The following TBX10 variants were observed in gnomAD, a reference collection of about 807,000 sequenced individuals.
TBX10 encodes T-box transcription factor TBX10.
In TBX10, 26 loss-of-function variants were observed where a neutral mutation model predicts 32.4. That is an observed-to-expected ratio of 0.80 (90% CI 0.59 to 1.11). The LOEUF (loss-of-function observed/expected upper bound fraction) is 1.11. Ranked by LOEUF, TBX10 falls within the 50% of genes most tolerant of loss-of-function variation. The probability of loss-of-function intolerance (pLI) is 0.00; values close to 1 mark genes in which losing one functional copy is unlikely to be tolerated. For missense variants in TBX10, 490 were observed against 494.5 expected, an observed-to-expected ratio of 0.99 and a Z score of 0.09; for synonymous variants, 195 against 203.1, an observed-to-expected ratio of 0.96 and a Z score of 0.34.
At chr11:67,635,958 A>T (rs1855321801) in intron 1 of TBX10, among the ~76,000 whole-genome samples, 2 of 152,046 alleles carry the variant, frequency 1.3e-5, no homozygotes, top group African/African-American at 4.8e-5. Context: ...CCCTCCAATT[A>T]AAAAAAATCT....
At chr11:67,632,264 T>G (rs2514021) in intron 7 of TBX10, 54 bp downstream of exon 7, 1 of 1,604,076 alleles carries the variant, frequency 6.2e-7, no homozygotes, top group African/African-American at 1.3e-5. Context: ...CCCTTTGCCT[T>G]CCGCCCACTG....
At chr11:67,634,463 C>T (rs1855292928) in intron 3 of TBX10, 103 bp from the exon 4 acceptor site, 1 of 1,376,022 alleles carries the variant, frequency 7.3e-7, no homozygotes, top group Admixed American at 1.9e-5. Context: ...ACTGCTCACC[C>T]CACCTGGTGG....
chr11:67,633,641 G>A (rs1328621856), intron 4 of TBX10, among the ~76,000 whole-genome samples: 1 of 152,210 alleles, frequency 6.6e-6, no homozygotes, highest in Non-Finnish European at 1.5e-5. Context: ...CAGGGCCTTT[G>A]CACCTACTGT....
At chr11:67,634,768 G>A (rs752936332) in intron 3 of TBX10, 48 bp downstream of exon 3, 2 of 1,585,710 alleles carry the variant, frequency 1.3e-6, no homozygotes, top group Non-Finnish European at 1.7e-6. Context: ...CTAATTCCTG[G>A]TCTCAGCACC....
At position 67,635,002 on chromosome 11, in the gene TBX10, G is replaced by C; in HGVS notation, c.269C>G (p.Ala90Gly). 6.2e-7 allele frequency: 1 copy of C among 1,613,562 alleles called. No individual in the cohort carries two copies. Among genetic ancestry groups the C allele is most frequent in the Non-Finnish European group, 8.5e-7 (1 of 1,180,028 alleles). The change falls in exon 2 of 8, where the codon GCA (alanine) becomes GGA (glycine). Residue 90 changes from alanine (A) to glycine (G), a missense_variant. Around this residue, in one of 3 missense-constraint regions of TBX10, gnomAD observed 307 missense variants for 294.9 expected, o/e 1.04. Coordinates refer to ENST00000335385, the MANE Select transcript of TBX10 (RefSeq NM_005995.5). ...QLGTEMIVTK[A>G]GRRMFPPFQV... Reference sequence around the variant, plus strand: ...CCGCCCCCGCTGCTCACACCTGCCTGCCTTGGTGACGATCATCTCAGTGCC... The same window carrying C: ...CCGCCCCCGCTGCTCACACCTGCCTCCCTTGGTGACGATCATCTCAGTGCC...
Position 67,634,815 on chromosome 11 carries a change from C to T in TBX10, c.377+1G>A. The T allele has an allele frequency of 6.2e-7, 1 of 1,613,432 alleles. No homozygotes were observed. Among genetic ancestry groups the T allele is most frequent in the Non-Finnish European group, 8.5e-7 (1 of 1,180,016 alleles). On this transcript the variant is annotated splice_donor_variant, in intron 3 of 7. Transcript: ENST00000335385. LOFTEE classifies it high-confidence loss of function. ...CCTTTGCCCCAGGCCGGTCCCCGCA[C>T]CTGTATCTCTTGTCGTCCAGGGGGA...
chr11:67,634,784 C>A (rs1278504831), intron 3 of TBX10, 32 bp downstream of exon 3: 2 of 1,606,928 alleles, frequency 1.2e-6, no homozygotes, highest in Admixed American at 1.7e-5. Flanking sequence ...GCACCTGAGA[C>A]CTGAGCCTTT....
At chr11:67,631,991 T>A in intron 7 of TBX10, 97 bp from the exon 8 acceptor site, 1 of 1,489,498 alleles carries the variant, frequency 6.7e-7, no homozygotes, top group Non-Finnish European at 9.1e-7. Flanking sequence ...CTTCCCAAGT[T>A]ACCTACCTCT....
At chr11:67,637,882 G>A (rs1281921685) in intron 1 of TBX10, among the ~76,000 whole-genome samples, 2 of 152,228 alleles carry the variant, frequency 1.3e-5, no homozygotes, top group Non-Finnish European at 2.9e-5. Context: ...CAATGTGAAT[G>A]TAATTAATGA....
intron 1 of TBX10, among the ~76,000 whole-genome samples, 197 bp from the exon 2 acceptor site, chr11:67,635,460 C>T (rs781691427): frequency 6.6e-5 from 10 of 152,238 alleles, no homozygotes; most frequent in Non-Finnish European, 1.2e-4. Context: ...AGCTCCTTGA[C>T]GGTAGTGTCA....
Position 67,631,494 on chromosome 11 carries a change from AC to A in TBX10, c.*110del. On this transcript the variant is annotated 3_prime_UTR_variant, in exon 8 of 8. Coordinates refer to ENST00000335385, the MANE Select transcript of TBX10 (RefSeq NM_005995.5). The stretch of plus-strand genomic sequence containing the variant: ...AGCCTCTTTCTCTAGACTTTCACCT[AC>A]CCTGCTCTCCTTGAGACAGAGATGG... 7.2e-7 allele frequency: 1 copy of A among 1,397,644 alleles called. No homozygotes were observed. Among genetic ancestry groups the A allele is most frequent in the Non-Finnish European group, 9.8e-7 (1 of 1,024,970 alleles). The allele number at this position is 1,397,644 out of a possible 1,614,324, so 86.6% of individuals were successfully genotyped here. A position where few individuals can be genotyped will look rare whatever the true frequency, so the allele number is the denominator to read the frequency against.
upstream of TBX10, among the ~76,000 whole-genome samples, chr11:67,640,136 G>A (rs1855385115): frequency 6.6e-6 from 1 of 151,936 alleles, no homozygotes; most frequent in South Asian, 2.1e-4. Context: ...GGAGCAGTGT[G>A]AGCAGGAAAC....
intron 4 of TBX10, among the ~76,000 whole-genome samples, chr11:67,633,565 C>G (rs1055042452): frequency 3.3e-5 from 5 of 152,234 alleles, no homozygotes; most frequent in Admixed American, 3.3e-4. Context: ...TTGGCTTCCC[C>G]TCCTGGCTCC....
chr11:67,634,729 C>A, intron 3 of TBX10, 87 bp downstream of exon 3: 1 of 1,426,888 alleles, frequency 7.0e-7, no homozygotes, highest in Non-Finnish European at 9.9e-7. Context: ...TGGACAGGCC[C>A]CTGCCTCACC....
In TBX10 at chr11:67,631,861, G is replaced by T. The variant is rs868037507; in HGVS notation, c.902C>A (p.Thr301Asn). Residue 301 changes from threonine (T) to asparagine (N), a missense_variant, in exon 8 of 8, where the codon ACC becomes AAC. Transcript: ENST00000335385. ...CAGCTGATGATGGAGCCAAGCAGGGGTCTTGGAGGTGGAAGCTGAAGCTTT... is the reference window on the plus strand; with the variant it reads ...CAGCTGATGATGGAGCCAAGCAGGGTTCTTGGAGGTGGAAGCTGAAGCTTT... ...PNKASASTSK[T>N]PAWLHHQLLP... 2 of 1,577,430 alleles carry T rather than the reference G, an allele frequency of 1.3e-6. No individual in the cohort carries two copies. Among genetic ancestry groups the T allele is most frequent in the Admixed American group, 1.9e-5 (1 of 52,516 alleles).
intron 1 of TBX10, among the ~76,000 whole-genome samples, chr11:67,638,552 C>T (rs1591126347): frequency 6.6e-6 from 1 of 152,222 alleles, no homozygotes; most frequent in Non-Finnish European, 1.5e-5. Flanking sequence ...GTGACGGAGG[C>T]CCCCAGGTGG....
rs12291861 is a variant in TBX10, at chr11:67,634,922, G to A, written c.276-5C>T. 13,831 of 1,613,124 alleles carry A rather than the reference G, an allele frequency of 8.6e-3. 1,038 individuals carry two copies. The African/African-American group carries it at 0.16, about 19-fold the overall frequency. On this transcript the variant is annotated splice_region_variant and splice_polypyrimidine_tract_variant and intron_variant, in intron 2 of 7. Transcript: ENST00000335385. ...TGGAAGGGGGGGAACATCCTCCTGC[G>A]GGAGGGAGGTGCTCAGCAGCCGGAT...
Position 67,634,936 on chromosome 11 carries a change from C to T in TBX10, c.276-19G>A. On this transcript the variant is annotated intron_variant, in intron 2 of 7. Transcript: ENST00000335385. ...CATCCTCCTGCGGGAGGGAGGTGCTCAGCAGCCGGATGCGGCTCCAACCCT... is the reference window on the plus strand; with the variant it reads ...CATCCTCCTGCGGGAGGGAGGTGCTTAGCAGCCGGATGCGGCTCCAACCCT... The T allele has an allele frequency of 6.2e-7, 1 of 1,613,138 alleles. No homozygotes were observed. Among genetic ancestry groups the T allele is most frequent in the South Asian group, 1.1e-5 (1 of 91,080 alleles).
upstream of TBX10, among the ~76,000 whole-genome samples, chr11:67,639,873 GC>G (rs951928616): frequency 6.6e-6 from 1 of 152,158 alleles, no homozygotes; most frequent in African/African-American, 2.4e-5. Context: ...CCAGCTAAGA[GC>G]CCCCCAGCCA....
Sources: gnomAD v4.1 joint callset for allele counts (sites outside exome capture counted in the v4.1 genomes callset) on GRCh38, gnomAD v4.1.1 for gene constraint, gnomAD v4.1.1 regional missense constraint, MANE v1.5 for transcripts, NCBI Gene and HGNC (gene_info 2026-07-23, HGNC 2026-07-21) for gene names.